The following SLC41A3 variants were observed in gnomAD, a reference collection of about 807,000 sequenced individuals.
SLC41A3 encodes the protein SLC41A1-like 2.
A neutral mutation model predicts 45.4 loss-of-function variants in SLC41A3; 44 were observed. The ratio of observed to expected loss-of-function variants is 0.97; its 90% confidence interval spans 0.76 to 1.25. The LOEUF (loss-of-function observed/expected upper bound fraction) is 1.25, where lower values mean the gene tolerates loss of function less well. SLC41A3 is among the 50% of genes most tolerant of loss of function. SLC41A3 has a pLI of 0.00. For synonymous variants in SLC41A3, 256 were observed against 252.4 expected (o/e 1.01, Z -0.13); for missense variants, 550 against 600.6 (o/e 0.92, Z 0.88).
chr3:126,044,018 CA>C (rs1265400561), intron 3 of SLC41A3, among the ~76,000 whole-genome samples: 2 of 151,872 alleles, frequency 1.3e-5, no homozygotes, highest in Non-Finnish European at 2.9e-5. Context: ...CAAAACAAAA[CA>C]AAAAACAGGA....
intron 3 of SLC41A3, among the ~76,000 whole-genome samples, chr3:126,037,068 G>T (rs1047063836): frequency 2.6e-5 from 4 of 152,180 alleles, no homozygotes; most frequent in African/African-American, 9.7e-5. Context: ...CTGATGGAAG[G>T]TGTCTGGGTC....
chr3:126,038,321 A>C (rs2107799816), intron 3 of SLC41A3, among the ~76,000 whole-genome samples: 1 of 152,352 alleles, frequency 6.6e-6, no homozygotes, highest in Non-Finnish European at 1.5e-5. Flanking sequence ...TAGAGCCACC[A>C]GCCAGCTTGT....
At chr3:126,086,408 G>GGTTTTT (rs776330275), upstream of SLC41A3, among the ~76,000 whole-genome samples, 191 of 21,162 alleles carry the variant, frequency 9.0e-3, 12 homozygotes, top group Middle Eastern at 0.056. Context: ...TTGTTTTCTT[G>GGTTTTT]TTTTTTTTTT....
intron 2 of SLC41A3, chr3:126,056,328 C>T (rs2107931827): frequency 1.9e-6 from 3 of 1,606,418 alleles, no homozygotes; most frequent in Non-Finnish European, 2.6e-6. Context: ...GTGTCTCCCA[C>T]CCCTGATCCC....
intron 3 of SLC41A3, among the ~76,000 whole-genome samples, chr3:126,038,575 T>C (rs1427973978): frequency 6.6e-6 from 1 of 152,250 alleles, no homozygotes; most frequent in East Asian, 1.9e-4. Context: ...TTCAACTGAT[T>C]TCTGCCTTTT....
intron 3 of SLC41A3, among the ~76,000 whole-genome samples, chr3:126,039,688 G>A (rs1942451048): frequency 6.6e-6 from 1 of 152,166 alleles, no homozygotes; most frequent in African/African-American, 2.4e-5. Flanking sequence ...CTCCTCTAAG[G>A]CAGTATATCC....
chr3:126,008,682 G>A, intron 10 of SLC41A3, 50 bp downstream of exon 10: 1 of 1,597,494 alleles, frequency 6.3e-7, no homozygotes, highest in Non-Finnish European at 8.6e-7. Context: ...GATCAAGCCT[G>A]CTGGCTGACT....
intron 4 of SLC41A3, among the ~76,000 whole-genome samples, chr3:126,032,969 A>C (rs1367409303): frequency 6.6e-6 from 1 of 152,096 alleles, no homozygotes; most frequent in Non-Finnish European, 1.5e-5. Flanking sequence ...CTCTGAGCCA[A>C]TCTTTTCCTC....
At chr3:126,025,431 T>C (rs762655137) in intron 5 of SLC41A3, 4 of 152,018 alleles carry the variant, frequency 2.6e-5, no homozygotes, top group Non-Finnish European at 5.9e-5. Context: ...AGCAAGATGA[T>C]GCAACAAGAC....
chr3:126,076,662 G>A (rs1944892637), intron 1 of SLC41A3, among the ~76,000 whole-genome samples: 1 of 152,234 alleles, frequency 6.6e-6, no homozygotes, highest in South Asian at 2.1e-4. Flanking sequence ...TCTCCACTCT[G>A]AGCCCCTCTC....
At chr3:126,033,766 G>T in intron 3 of SLC41A3, 88 bp from the exon 4 acceptor site, 1 of 1,353,346 alleles carries the variant, frequency 7.4e-7, no homozygotes, top group Non-Finnish European at 1.0e-6. Context: ...TCTCAGGGAA[G>T]AAATCAACAA....
chr3:126,009,898 A>G (rs1222464293), intron 9 of SLC41A3, among the ~76,000 whole-genome samples: 1 of 152,252 alleles, frequency 6.6e-6, no homozygotes, highest in Non-Finnish European at 1.5e-5. Flanking sequence ...TCTATATACA[A>G]ATAACAAGTT....
intron 1 of SLC41A3, among the ~76,000 whole-genome samples, chr3:126,068,833 C>G (rs1207388327): frequency 6.6e-6 from 1 of 152,132 alleles, no homozygotes; most frequent in South Asian, 2.1e-4. Flanking sequence ...TTTTTTGACC[C>G]ATCTGGAGAT....
intron 1 of SLC41A3, 120 bp downstream of exon 1, chr3:126,083,973 C>T (rs1945302946): frequency 6.6e-6 from 1 of 150,576 alleles, no homozygotes; most frequent in African/African-American, 2.4e-5. Context: ...GCGCCCGGCT[C>T]ACTCGCCTCC....
chr3:126,077,312 G>A (rs1487865463), intron 1 of SLC41A3, among the ~76,000 whole-genome samples: 5 of 152,068 alleles, frequency 3.3e-5, no homozygotes, highest in Admixed American at 6.5e-5. Context: ...CCTGGGAGGC[G>A]GAAGCTGCAG....
intron 1 of SLC41A3, 132 bp downstream of exon 1, chr3:126,083,961 C>CGGCGCCCGGCTCGCCT (rs1945301944): frequency 6.7e-6 from 1 of 150,352 alleles, no homozygotes; most frequent in African/African-American, 2.5e-5. Context: ...CCCCAGGGCC[C>CGGCGCCCGGCTCGCCT]GGCGCCCGGC....
At position 126,050,933 on chromosome 3, in the gene SLC41A3, G is replaced by T; in HGVS notation, c.381+10C>A. 6.2e-7 allele frequency: 1 copy of T among 1,608,978 alleles called. No homozygotes were observed. The highest frequency in any genetic ancestry group is 2.2e-5 in the East Asian group (1 of 44,794). On this transcript the variant is annotated intron_variant, in intron 3 of 10. Coordinates refer to ENST00000360370, the MANE Select transcript of SLC41A3 (RefSeq NM_017836.4). The stretch of plus-strand genomic sequence containing the variant: ...TTGTGGCCGCCTCGAATGTCCAGGT[G>T]TCCACTTACAGCTGTGGAGAGTCTG...
At chr3:126,069,773 G>A (rs1202040851) in intron 1 of SLC41A3, among the ~76,000 whole-genome samples, 4 of 152,060 alleles carry the variant, frequency 2.6e-5, no homozygotes, top group Admixed American at 2.0e-4. Flanking sequence ...ATATAGAGAT[G>A]AAAATTATTT....
At chr3:126,043,798 C>G (rs1356896305) in intron 3 of SLC41A3, among the ~76,000 whole-genome samples, 1 of 117,030 alleles carries the variant, frequency 8.5e-6, no homozygotes, top group Non-Finnish European at 1.8e-5. Context: ...CAAAACATAT[C>G]ACTGCAAAAA....
Sources: gnomAD v4.1 joint callset for allele counts (sites outside exome capture counted in the v4.1 genomes callset) on GRCh38, gnomAD v4.1.1 for gene constraint, MANE v1.5 for transcripts, NCBI Gene and HGNC (gene_info 2026-07-23, HGNC 2026-07-21) for gene names.